The following SLC39A12 variants were observed in gnomAD, a reference collection of about 807,000 sequenced individuals.
SLC39A12 encodes solute carrier family 39 member 12, also known as zinc transporter ZIP12.
A neutral mutation model predicts 71.1 loss-of-function variants in SLC39A12; 63 were observed. That is an observed-to-expected ratio of 0.89 (90% CI 0.72 to 1.09). The LOEUF (loss-of-function observed/expected upper bound fraction) is 1.09. Among genes scored for constraint, SLC39A12 ranks in the 50% least tolerant of loss-of-function variants. The probability of loss-of-function intolerance (pLI) is 0.00; values close to 1 mark genes in which losing one functional copy is unlikely to be tolerated. For synonymous variants in SLC39A12, 351 were observed against 301.3 expected (o/e 1.16, Z -1.71); for missense variants, 892 against 812.6 (o/e 1.10, Z -1.19).
At position 17,953,493 on chromosome 10, in the gene SLC39A12, G is replaced by T. The variant is rs1834460228; in HGVS notation, c.217G>T (p.Gly73Trp). ...CATCAAAACATTGTTGGAGAAAACT[G>T]GGTGCCCACGGAGGAGAAACGGAAT... ...SLIKTLLEKT[G>W]CPRRRNGMQG... is the part of the protein sequence containing the mutation. Residue 73 changes from glycine (G) to tryptophan (W), a missense_variant, in exon 2 of 13, where the codon GGG (glycine) becomes TGG (tryptophan). Gly to Trp is a radical substitution (Grantham distance 184). Coordinates refer to ENST00000377369, the MANE Select transcript of SLC39A12 (RefSeq NM_001145195.2). 1 of 1,614,186 alleles carries T rather than the reference G, an allele frequency of 6.2e-7. No homozygotes were observed. The highest frequency in any genetic ancestry group is 2.2e-5 in the East Asian group (1 of 44,878).
chr10:17,998,110 TG>T (rs1835735833), intron 10 of SLC39A12, among the ~76,000 whole-genome samples: 1 of 152,216 alleles, frequency 6.6e-6, no homozygotes, highest in African/African-American at 2.4e-5. Flanking sequence ...GCGATTCTCC[TG>T]CCTCAACCTC....
intron 2 of SLC39A12, among the ~76,000 whole-genome samples, chr10:17,960,039 GTT>G (rs1834647803): frequency 6.6e-6 from 1 of 152,162 alleles, no homozygotes; most frequent in Non-Finnish European, 1.5e-5. Context: ...AGACCCAGGG[GTT>G]TATATACCAT....
At chr10:17,957,730 TTTTG>T (rs1834585983) in intron 2 of SLC39A12, among the ~76,000 whole-genome samples, 1 of 152,130 alleles carries the variant, frequency 6.6e-6, no homozygotes, top group South Asian at 2.1e-4. Context: ...CAGTAGAGCT[TTTTG>T]TCATATCTAT....
At chr10:17,952,559 C>T (rs948767768) in intron 1 of SLC39A12, among the ~76,000 whole-genome samples, 1 of 146,046 alleles carries the variant, frequency 6.8e-6, no homozygotes, top group Admixed American at 7.1e-5. Flanking sequence ...ACGATCTTGG[C>T]TCACTGCAAC....
At chr10:18,024,129 G>A (rs1021999955) in intron 12 of SLC39A12, among the ~76,000 whole-genome samples, 2 of 152,122 alleles carry the variant, frequency 1.3e-5, no homozygotes, top group African/African-American at 2.4e-5. Flanking sequence ...TGGCTGTGTC[G>A]GGGTCCCAGG....
At chr10:18,024,027 C>T (rs1485185983) in intron 12 of SLC39A12, among the ~76,000 whole-genome samples, 1 of 152,092 alleles carries the variant, frequency 6.6e-6, no homozygotes. Context: ...GCAGCAGTGT[C>T]AAAAAGGGCA....
At chr10:18,035,312 C>G in intron 12 of SLC39A12, among the ~76,000 whole-genome samples, 1 of 137,870 alleles carries the variant, frequency 7.3e-6, no homozygotes, top group Non-Finnish European at 1.5e-5. Context: ...GGTCTTTTCA[C>G]ATAGTCCCAT....
At chr10:17,982,873 C>T (rs528962327) in intron 6 of SLC39A12, among the ~76,000 whole-genome samples, 1 of 152,184 alleles carries the variant, frequency 6.6e-6, no homozygotes, top group East Asian at 1.9e-4. Context: ...TGGGAAACCT[C>T]CCAACATGTC....
intron 12 of SLC39A12, among the ~76,000 whole-genome samples, chr10:18,041,675 GTA>G (rs1157825311): frequency 4.2e-5 from 4 of 94,922 alleles, no homozygotes; most frequent in African/African-American, 1.5e-4. Flanking sequence ...GTATATATAT[GTA>G]TATACATATG....
At chr10:17,977,716 A>G (rs1835145528) in intron 4 of SLC39A12, among the ~76,000 whole-genome samples, 186 bp from the exon 5 acceptor site, 1 of 152,224 alleles carries the variant, frequency 6.6e-6, no homozygotes, top group Non-Finnish European at 1.5e-5. Context: ...TTTTTATAGA[A>G]AAAGAAAATC....
chr10:18,029,233 C>G (rs974354590), intron 12 of SLC39A12, among the ~76,000 whole-genome samples: 13 of 152,086 alleles, frequency 8.5e-5, no homozygotes, highest in African/African-American at 3.1e-4. Flanking sequence ...AGTTAGCCAT[C>G]CTAAGCAGTT....
chr10:17,968,663 T>C (rs691862), intron 4 of SLC39A12, among the ~76,000 whole-genome samples: 103,997 of 151,706 alleles, frequency 0.69, 35,963 homozygotes, highest in African/African-American at 0.76. Context: ...TTCAAATTTT[T>C]GTGGGTACAT....
intron 4 of SLC39A12, among the ~76,000 whole-genome samples, chr10:17,974,697 A>G (rs928084120): frequency 3.3e-5 from 5 of 152,312 alleles, no homozygotes; most frequent in Admixed American, 1.3e-4. Context: ...CACCACCACT[A>G]TGACCACACT....
intron 5 of SLC39A12, among the ~76,000 whole-genome samples, 169 bp downstream of exon 5, chr10:17,978,243 A>G (rs1400985484): frequency 2.6e-5 from 4 of 152,232 alleles, no homozygotes; most frequent in Non-Finnish European, 1.5e-5. Context: ...CTACAAGTGT[A>G]TCTCTGTAGA....
chr10:17,958,979 C>T (rs1014127140), intron 2 of SLC39A12, among the ~76,000 whole-genome samples: 2 of 152,066 alleles, frequency 1.3e-5, no homozygotes, highest in Non-Finnish European at 2.9e-5. Flanking sequence ...AGATTATGCA[C>T]CAAGGAATAA....
intron 11 of SLC39A12, chr10:18,001,715 A>G (rs1357601959): frequency 6.6e-6 from 1 of 152,180 alleles, no homozygotes; most frequent in Non-Finnish European, 1.5e-5. Context: ...GGTTGTATGT[A>G]TTAATGGAGT....
Position 17,951,940 on chromosome 10 carries a change from AG to A in SLC39A12, c.-169del, listed in dbSNP as rs1554847156. 2 of 152,218 alleles carry A rather than the reference AG, an allele frequency of 1.3e-5. No homozygotes were observed. Among genetic ancestry groups the A allele is most frequent in the African/African-American group, 4.8e-5 (2 of 41,450 alleles). The allele number at this position is 152,218 out of a possible 1,614,324, so 9.4% of individuals were successfully genotyped here. ...TGCACAGTCAAAGAATTTTAAAAAC[AG>A]GGAACTTTGTAACTGTGAAATACTC... On this transcript the variant is annotated 5_prime_UTR_variant, in exon 1 of 13. Coordinates refer to ENST00000377369, the MANE Select transcript of SLC39A12 (RefSeq NM_001145195.2).
intron 6 of SLC39A12, among the ~76,000 whole-genome samples, chr10:17,983,821 T>C (rs1835334079): frequency 1.3e-5 from 2 of 152,130 alleles, no homozygotes; most frequent in East Asian, 3.9e-4. Flanking sequence ...AACATCACTG[T>C]CCTCAATCGA....
At chr10:17,967,897 A>AT (rs1564640945) in intron 4 of SLC39A12, among the ~76,000 whole-genome samples, 2,235 of 104,544 alleles carry the variant, frequency 0.021, 30 homozygotes, top group Non-Finnish European at 0.027. Context: ...AAAAAAAAAA[A>AT]AATATATATA....
Sources: allele counts gnomAD v4.1 joint callset (sites outside exome capture counted in the v4.1 genomes callset), GRCh38; gene constraint gnomAD v4.1.1; transcripts MANE v1.5; gene names NCBI Gene and HGNC (gene_info 2026-07-23, HGNC 2026-07-21).